MAP2K5: variants seen among roughly 807,000 people sequenced by gnomAD.
The protein encoded by MAP2K5 is mitogen-activated protein kinase kinase 5, also known as dual specificity mitogen-activated protein kinase kinase 5.
Under a neutral mutation model 83.1 loss-of-function variants are expected in MAP2K5, and 49 were observed. The observed-to-expected ratio is 0.59, with a 90% CI of 0.47 to 0.75. The LOEUF (loss-of-function observed/expected upper bound fraction) is 0.75. Among genes scored for constraint, MAP2K5 ranks in the 30% least tolerant of loss-of-function variants. The pLI is 0.00. For synonymous variants in MAP2K5, 202 were observed against 191.8 expected (o/e 1.05, Z -0.44); for missense variants, 457 against 557.5 (o/e 0.82, Z 1.82).
Position 67,571,556 on chromosome 15 carries a change from T to G in MAP2K5, c.252+8206T>G, listed in dbSNP as rs138488138. The stretch of plus-strand genomic sequence containing the variant: ...GCGAACATGTTTCTTCTATGTACTC[T>G]TACTTGGAAATGAGAGATTCAAGGC... On this transcript the variant is annotated intron_variant, in intron 3 of 21. Transcript: ENST00000178640. Among the ~76,000 whole-genome samples the G allele has an allele frequency of 5.3e-3, 811 of 152,310 alleles. 12 individuals are homozygous for G. Among genetic ancestry groups the G allele is most frequent in the African/African-American group, 0.018 (758 of 41,562 alleles).
Position 67,676,339 on chromosome 15 carries a change from G to A in MAP2K5, c.847+11694G>A, listed in dbSNP as rs544577694. 9.2e-5 allele frequency among the ~76,000 whole-genome samples: 14 copies of A among 152,298 alleles called. No individual in the cohort carries two copies. Among genetic ancestry groups the A allele is most frequent in the Non-Finnish European group, 1.8e-4 (12 of 68,016 alleles). Reference sequence around the variant, plus strand: ...TGAATACATTGAATCATAATTTTCTGAGGGCAGTGTTTTTCTCCTGGAACT... The same window carrying A: ...TGAATACATTGAATCATAATTTTCTAAGGGCAGTGTTTTTCTCCTGGAACT... On this transcript the variant is annotated intron_variant, in intron 13 of 21. Transcript: ENST00000178640. This position sits in a 1 kb window ranked among gnomAD's most constrained non-coding sequence, Gnocchi z 4.8.
chr15:67,788,971 CAA>C (rs58657384), intron 21 of MAP2K5, among the ~76,000 whole-genome samples: 41,143 of 129,452 alleles, frequency 0.32, 6,867 homozygotes, highest in East Asian at 0.68. Flanking sequence ...GACCCTGTCT[CAA>C]AAAAAAAAAA....
rs544778806 is a variant in MAP2K5 at position 67,587,577 on chromosome 15, C to T, written c.431+664C>T. Among the ~76,000 whole-genome samples, 49 of 152,286 alleles carry T rather than the reference C, an allele frequency of 3.2e-4. No individual in the cohort carries two copies. Among genetic ancestry groups the T allele is most frequent in the East Asian group, 7.7e-4 (4 of 5,174 alleles). ...CGGAGGAATGCACTTTATCAGCCAACGCAGCTCCTTCCCTTTTTTACTTGG... is the reference window on the plus strand; with the variant it reads ...CGGAGGAATGCACTTTATCAGCCAATGCAGCTCCTTCCCTTTTTTACTTGG... On this transcript the variant is annotated intron_variant, in intron 6 of 21. Coordinates refer to ENST00000178640, the MANE Select transcript of MAP2K5 (RefSeq NM_145160.3). The surrounding 1 kb of genome is among the most constrained non-coding windows in gnomAD (Gnocchi z 4.8).
chr15:67,721,039 T>C lies in MAP2K5; in HGVS notation c.1045-6877T>C, dbSNP rs544210195. ...GAACAGCATTAGGATATTGTACTTG[T>C]GAATTACTGTTGCCCTCTTCCTGTT... is the stretch of plus-strand genomic sequence containing the variant. On this transcript the variant is annotated intron_variant, in intron 16 of 21. Transcript: ENST00000178640. Among the ~76,000 whole-genome samples the C allele has an allele frequency of 2.0e-5, 3 of 152,354 alleles. No homozygotes were observed. The East Asian group carries it at 5.8e-4, about 29-fold the overall frequency.
chr15:67,700,766 A>G (rs1429284800), intron 15 of MAP2K5, among the ~76,000 whole-genome samples: 1 of 152,068 alleles, frequency 6.6e-6, no homozygotes, highest in East Asian at 1.9e-4. Context: ...GCTTTTGCTG[A>G]AAATTTTTGC....
At position 67,638,127 on chromosome 15, in the gene MAP2K5, A is replaced by G. The variant is rs139235821; in HGVS notation, c.585+7200A>G. 1.5e-4 allele frequency among the ~76,000 whole-genome samples: 23 copies of G among 152,130 alleles called. No individual in the cohort carries two copies. The highest frequency in any genetic ancestry group is 5.5e-4 in the African/African-American group (23 of 41,484). ...ATGTGCAGGTTTGTTATATAAGTATACTTGTGCCATGGGGGTTTGTTGTAC... is the reference window on the plus strand; with the variant it reads ...ATGTGCAGGTTTGTTATATAAGTATGCTTGTGCCATGGGGGTTTGTTGTAC... On this transcript the variant is annotated intron_variant, in intron 9 of 21. Coordinates refer to ENST00000178640, the MANE Select transcript of MAP2K5 (RefSeq NM_145160.3). The surrounding 1 kb of genome is among the most constrained non-coding windows in gnomAD (Gnocchi z 4.5).
At chr15:67,608,071 C>T (rs575657811) in intron 8 of MAP2K5, among the ~76,000 whole-genome samples, 9 of 152,268 alleles carry the variant, frequency 5.9e-5, no homozygotes, top group Admixed American at 3.3e-4. Context: ...TTTATAAAGA[C>T]GTTTAAAGTC....
chr15:67,658,459 TA>T, intron 11 of MAP2K5, 93 bp from the exon 12 acceptor site: 1 of 983,058 alleles, frequency 1.0e-6, no homozygotes, highest in Non-Finnish European at 1.6e-6. Flanking sequence ...GTAGGAAGTG[TA>T]AAAATGTATT....
rs1043613598 is a variant in MAP2K5 at position 67,574,989 on chromosome 15, G to A, written c.253-5765G>A. 6.6e-5 allele frequency among the ~76,000 whole-genome samples: 10 copies of A among 152,324 alleles called. 1 individual carries two copies. The highest frequency in any genetic ancestry group is 2.4e-4 in the African/African-American group (10 of 41,578). Reference sequence around the variant, plus strand: ...CTGGTTTGGGAAACAGGGTCATAGTGATGGTATTTCCTGAGACCATAAACC... The same window carrying A: ...CTGGTTTGGGAAACAGGGTCATAGTAATGGTATTTCCTGAGACCATAAACC... On this transcript the variant is annotated intron_variant, in intron 3 of 21. Coordinates refer to ENST00000178640, the MANE Select transcript of MAP2K5 (RefSeq NM_145160.3).
In MAP2K5 at chr15:67,586,295, G is replaced by T. The variant is rs1003969730; in HGVS notation, c.363+365G>T. ...GAATACCCTCTCTTGACATATTTAT[G>T]CTAGAAACATATATCTAGTTAATGT... On this transcript the variant is annotated intron_variant, in intron 5 of 21. Transcript: ENST00000178640. 2.6e-5 allele frequency among the ~76,000 whole-genome samples: 4 copies of T among 152,152 alleles called. No individual in the cohort carries two copies. The South Asian group carries it at 6.2e-4, about 24-fold the overall frequency.
intron 8 of MAP2K5, among the ~76,000 whole-genome samples, chr15:67,608,766 A>G (rs974800649): frequency 6.6e-6 from 1 of 152,190 alleles, no homozygotes; most frequent in African/African-American, 2.4e-5. Context: ...ACTAGACACA[A>G]AGGGCCTGTC....
At chr15:67,703,812 A>G (rs1043411626) in intron 16 of MAP2K5, among the ~76,000 whole-genome samples, 3 of 152,224 alleles carry the variant, frequency 2.0e-5, no homozygotes, top group Admixed American at 6.5e-5. Context: ...TGGAATGCAT[A>G]TGTAACTTCC....
intron 17 of MAP2K5, among the ~76,000 whole-genome samples, chr15:67,739,261 C>T (rs56735059): frequency 0.11 from 15,092 of 131,780 alleles, 893 homozygotes; most frequent in Admixed American, 0.13. Context: ...GCCTGGGCAA[C>T]AGAGTGAGAC....
chr15:67,591,970 G>T lies in MAP2K5; in HGVS notation c.432-956G>T, dbSNP rs569925220. Among the ~76,000 whole-genome samples, 14 of 151,990 alleles carry T rather than the reference G, an allele frequency of 9.2e-5. No homozygotes were observed. The South Asian group carries it at 2.5e-3, about 27-fold the overall frequency. On this transcript the variant is annotated intron_variant, in intron 6 of 21. Coordinates refer to ENST00000178640, the MANE Select transcript of MAP2K5 (RefSeq NM_145160.3). Reference sequence around the variant, plus strand: ...TTACTAAAAATACAAAATTAGCCAGGCATGGTGGCACATGCCTATAATCCC... The same window carrying T: ...TTACTAAAAATACAAAATTAGCCAGTCATGGTGGCACATGCCTATAATCCC...
chr15:67,694,334 A>G (rs981589737), intron 15 of MAP2K5, among the ~76,000 whole-genome samples: 1 of 152,168 alleles, frequency 6.6e-6, no homozygotes, highest in Non-Finnish European at 1.5e-5. Flanking sequence ...AATTTTTTAT[A>G]ATGAAAGCTC....
intron 3 of MAP2K5, among the ~76,000 whole-genome samples, chr15:67,568,386 A>T (rs2084884538): frequency 6.6e-6 from 1 of 152,230 alleles, no homozygotes; most frequent in Admixed American, 6.5e-5. Context: ...TAACTTGGAC[A>T]TTGCCTCTAA....
rs2086785275 is a variant in MAP2K5, at chr15:67,644,402, T to A, written c.586-1829T>A. 6.6e-6 allele frequency among the ~76,000 whole-genome samples: 1 copy of A among 151,974 alleles called. No homozygotes were observed. The highest frequency in any genetic ancestry group is 2.1e-4 in the South Asian group (1 of 4,814). On this transcript the variant is annotated intron_variant, in intron 9 of 21. Coordinates refer to ENST00000178640, the MANE Select transcript of MAP2K5 (RefSeq NM_145160.3). The surrounding 1 kb of genome is among the most constrained non-coding windows in gnomAD (Gnocchi z 4.6). ...GGGCAGGACTCCATCTCTAAATAAATAAATAAATAAATAAAACAATTACTC... is the reference window on the plus strand; with the variant it reads ...GGGCAGGACTCCATCTCTAAATAAAAAAATAAATAAATAAAACAATTACTC...
rs1054119614 is a variant in MAP2K5 at position 67,758,653 on chromosome 15, G to A, written c.1134+10052G>A. On this transcript the variant is annotated intron_variant, in intron 19 of 21. Coordinates refer to ENST00000178640, the MANE Select transcript of MAP2K5 (RefSeq NM_145160.3). The surrounding 1 kb of genome is among the most constrained non-coding windows in gnomAD (Gnocchi z 4.7). Reference sequence around the variant, plus strand: ...AGAAATACAAATCCAAAAAGTGACAGAGAATATATGATGAGGAGATACTTA... The same window carrying A: ...AGAAATACAAATCCAAAAAGTGACAAAGAATATATGATGAGGAGATACTTA... Among the ~76,000 whole-genome samples, 8 of 152,014 alleles carry A rather than the reference G, an allele frequency of 5.3e-5. No individual in the cohort carries two copies. The highest frequency in any genetic ancestry group is 1.0e-4 in the Non-Finnish European group (7 of 68,022).
In MAP2K5 at chr15:67,692,509, CAA is replaced by C; in HGVS notation, c.879_880del (p.Gly295ThrfsTer3). 1 of 1,613,672 alleles carries C rather than the reference CAA, an allele frequency of 6.2e-7. No homozygotes were observed. Among genetic ancestry groups the C allele is most frequent in the Non-Finnish European group, 8.5e-7 (1 of 1,179,676 alleles). On this transcript the variant is annotated frameshift_variant, in exon 14 of 22. Coordinates refer to ENST00000178640, the MANE Select transcript of MAP2K5 (RefSeq NM_145160.3). LOFTEE classifies it high-confidence loss of function. ...AAGCCCTCCAATATGCTAGTAAACACAAGAGGACAGGTTAAGCTGTGTGATTT... is the reference window on the plus strand; with the variant it reads ...AAGCCCTCCAATATGCTAGTAAACACGAGGACAGGTTAAGCTGTGTGATTT...
Sources: gnomAD v4.1 joint callset for allele counts (sites outside exome capture counted in the v4.1 genomes callset) on GRCh38, gnomAD v4.1.1 for gene constraint, Gnocchi (gnomAD v3.1) non-coding constraint, MANE v1.5 for transcripts, NCBI Gene and HGNC (gene_info 2026-07-23, HGNC 2026-07-21) for gene names.